AXIN2: variants seen among roughly 807,000 people sequenced by gnomAD.
AXIN2 encodes the protein axin-2.
Under a neutral mutation model 74.7 loss-of-function variants are expected in AXIN2, and 21 were observed. The observed-to-expected ratio is 0.28, with a 90% CI of 0.20 to 0.40. The LOEUF (loss-of-function observed/expected upper bound fraction) is 0.40, where lower values mean the gene tolerates loss of function less well. AXIN2 is among the 10% of genes least tolerant of loss of function. The pLI is 1.00. For synonymous variants in AXIN2, 532 were observed against 454.9 expected, an observed-to-expected ratio of 1.17 and a Z score of -2.16; for missense variants, 1,144 against 1,111.1, an observed-to-expected ratio of 1.03 and a Z score of -0.42.
At chr17:65,555,327 A>T (rs949593679) in intron 2 of AXIN2, among the ~76,000 whole-genome samples, 1 of 152,120 alleles carries the variant, frequency 6.6e-6, no homozygotes, top group Non-Finnish European at 1.5e-5. Context: ...AGAATGAGTG[A>T]GTGTGCGGGA....
chr17:65,536,332 G>A lies in AXIN2; in HGVS notation c.2129C>T (p.Pro710Leu). The A allele has an allele frequency of 2.5e-6, 4 of 1,611,478 alleles. No individual in the cohort carries two copies. Among genetic ancestry groups the A allele is most frequent in the Non-Finnish European group, 3.4e-6 (4 of 1,179,380 alleles). ...CACTTCCACTCACCGCTGCTTTGGG[G>A]GCTTCGACACCTCAGCTAGCCTGCG... ...ACRRLAEVSK[P>L]PKQRCCVASQ... Residue 710 changes from proline to leucine, a missense_variant, in exon 8 of 11, where the codon CCC becomes CTC. Physicochemically the swap from Pro to Leu is moderately conservative, Grantham distance 98. This residue lies in a region of AXIN2 where 1,053 missense variants were observed against 973.5 expected (regional missense o/e 1.08). Transcript: ENST00000307078.
chr17:65,530,592 G>A, intron 10 of AXIN2, among the ~76,000 whole-genome samples: 2 of 152,362 alleles, frequency 1.3e-5, no homozygotes, highest in South Asian at 4.1e-4. Flanking sequence ...GTCTGTAAAA[G>A]GCTGACTTCC....
At chr17:65,537,275 G>A in intron 6 of AXIN2, 49 bp downstream of exon 6, 3 of 1,611,548 alleles carry the variant, frequency 1.9e-6, no homozygotes, top group South Asian at 1.1e-5. Context: ...CATGGACCTG[G>A]CTGGGAGACA....
At position 65,537,504 on chromosome 17, in the gene AXIN2, G is replaced by C. The variant is rs200883019; in HGVS notation, c.1532C>G (p.Thr511Arg). ...GGKGFVTKQT[T>R]KHVHHHYIHH... The stretch of plus-strand genomic sequence containing the variant: ...GATGTAGTGGTGGTGGACATGCTTC[G>C]TCGTCTGCTTGGTCACAAAGCCTTT... The change falls in exon 6 of 11, where the codon ACG (threonine) becomes AGG (arginine). Residue 511 changes from threonine to arginine, a missense_variant. Transcript: ENST00000307078. 6.2e-7 allele frequency: 1 copy of C among 1,613,776 alleles called. No homozygotes were observed. Among genetic ancestry groups the C allele is most frequent in the Non-Finnish European group, 8.5e-7 (1 of 1,179,988 alleles).
In AXIN2 at chr17:65,536,451, G is replaced by C. The variant is rs781484593; in HGVS notation, c.2010C>G (p.Pro670=). The change falls in exon 8 of 11, where the codon CCC becomes CCG. Residue 670 remains proline, a synonymous_variant. Transcript: ENST00000307078. The part of the protein sequence containing the change: ...HHLWGGNSGH[P]RTTPRAHLFT... ...ACAGGTGGGCACGGGGGGTGGTGCGGGGGTGCCCGCTGTTGCCCCCCCACA... is the reference window on the plus strand; with the variant it reads ...ACAGGTGGGCACGGGGGGTGGTGCGCGGGTGCCCGCTGTTGCCCCCCCACA... 4.3e-6 allele frequency: 7 copies of C among 1,613,642 alleles called. No homozygotes were observed. The Admixed American group carries it at 1.0e-4, about 23-fold the overall frequency.
At position 65,537,590 on chromosome 17, in the gene AXIN2, C is replaced by T. The variant is rs750678891; in HGVS notation, c.1446G>A (p.Pro482=). Residue 482 remains proline (P), a synonymous_variant, in exon 6 of 11, where the codon CCG becomes CCA. Coordinates refer to ENST00000307078, the MANE Select transcript of AXIN2 (RefSeq NM_004655.4). ...CCGCGGGAGGCAGCTTGCCACCGGG[C>T]GGGAGCAGGGAGTGGTACTGCGAAT... The part of the protein sequence containing the change: ...HHHSQYHSLL[P]PGGKLPPAAA... 3.1e-6 allele frequency: 5 copies of T among 1,605,916 alleles called. No homozygotes were observed. The highest frequency in any genetic ancestry group is 1.7e-5 in the Admixed American group (1 of 58,880).
Position 65,529,791 on chromosome 17 carries a change from CTCATGAATCATGAAAA to C in AXIN2, c.*169_*184del. ...TTTTCTTATCTCAGTCAGTACCCAG[CTCATGAATCATGAAAA>C]TCAACCTCCCCCCGCCCTCCCGAAG... On this transcript the variant is annotated 3_prime_UTR_variant, in exon 11 of 11. Coordinates refer to ENST00000307078, the MANE Select transcript of AXIN2 (RefSeq NM_004655.4). 1.1e-6 allele frequency: 1 copy of C among 872,326 alleles called. No homozygotes were observed. The highest frequency in any genetic ancestry group is 1.8e-6 in the Non-Finnish European group (1 of 553,810). 54.0% of individuals were successfully genotyped at this position (872,326 alleles called of 1,614,324 possible). A position where few individuals can be genotyped will look rare whatever the true frequency, so the allele number is the denominator to read the frequency against.
intron 10 of AXIN2, among the ~76,000 whole-genome samples, chr17:65,531,886 C>A (rs758646746): frequency 1.3e-5 from 2 of 152,182 alleles, no homozygotes; most frequent in East Asian, 3.9e-4. Context: ...AGGTCCCCCC[C>A]ACCTCCCACC....
chr17:65,548,512 G>C (rs887671105), intron 3 of AXIN2, among the ~76,000 whole-genome samples: 2 of 152,194 alleles, frequency 1.3e-5, no homozygotes, highest in Non-Finnish European at 2.9e-5. Context: ...TTTAGCAGGC[G>C]AAATTCTGAC....
chr17:65,537,533 C>T lies in AXIN2; in HGVS notation c.1503G>A (p.Gly501=). 1 of 1,613,490 alleles carries T rather than the reference C, an allele frequency of 6.2e-7. No individual in the cohort carries two copies. The highest frequency in any genetic ancestry group is 8.5e-7 in the Non-Finnish European group (1 of 1,179,898). Reference sequence around the variant, plus strand: ...TCTGCTTGGTCACAAAGCCTTTGCCCCCGAGGAGGGGGCAGGCGCCCGGCG... The same window carrying T: ...TCTGCTTGGTCACAAAGCCTTTGCCTCCGAGGAGGGGGCAGGCGCCCGGCG... The part of the protein sequence containing the change: ...AASPGACPLL[G]GKGFVTKQTT... The change falls in exon 6 of 11, where the codon GGG becomes GGA. Residue 501 remains glycine, a synonymous_variant. Coordinates refer to ENST00000307078, the MANE Select transcript of AXIN2 (RefSeq NM_004655.4).
intron 4 of AXIN2, 59 bp from the exon 5 acceptor site, chr17:65,538,402 C>T: frequency 6.2e-7 from 1 of 1,607,474 alleles, no homozygotes; most frequent in African/African-American, 1.3e-5. Context: ...TGGGCGGTGG[C>T]TTGGCCGGAG....
rs765149006 is a variant in AXIN2, at chr17:65,536,438, G to C, written c.2023C>G (p.Arg675Gly). The C allele has an allele frequency of 6.2e-6, 10 of 1,601,418 alleles. No individual in the cohort carries two copies. The highest frequency in any genetic ancestry group is 8.5e-6 in the Non-Finnish European group (10 of 1,179,598). The change falls in exon 8 of 11, where the codon CGT becomes GGT. Residue 675 changes from arginine (R) to glycine (G), a missense_variant. Arg to Gly is a moderately radical substitution (Grantham distance 125). Transcript: ENST00000307078. ...GGGTCCTGGGTGAACAGGTGGGCAC[G>C]GGGGGTGGTGCGGGGGTGCCCGCTG... Reference protein sequence around the residue: ...GNSGHPRTTPRAHLFTQDPAM... With the variant: ...GNSGHPRTTPGAHLFTQDPAM...
chr17:65,548,678 G>A (rs1257032923), intron 3 of AXIN2, among the ~76,000 whole-genome samples: 1 of 152,122 alleles, frequency 6.6e-6, no homozygotes, highest in Admixed American at 6.5e-5. Flanking sequence ...CCGGAGACAG[G>A]GATACCCAGG....
intron 2 of AXIN2, among the ~76,000 whole-genome samples, chr17:65,553,006 C>A (rs1231404484): frequency 6.6e-6 from 1 of 152,034 alleles, no homozygotes; most frequent in Non-Finnish European, 1.5e-5. Context: ...CCAGCCTAGG[C>A]AACAAGAATG....
intron 3 of AXIN2, among the ~76,000 whole-genome samples, chr17:65,547,434 C>G (rs988019666): frequency 3.9e-5 from 6 of 152,158 alleles, no homozygotes. Flanking sequence ...TGTGGAAGCA[C>G]CAGGCCTTAT....
chr17:65,537,472 G>C lies in AXIN2; in HGVS notation c.1564C>G (p.His522Asp), dbSNP rs1060502128. Residue 522 changes from histidine to aspartate, a missense_variant, in exon 6 of 11, where the codon CAT (histidine) becomes GAT (aspartate). By Grantham distance (81) the His-to-Asp change is moderately conservative. Around this residue, in one of 4 missense-constraint regions of AXIN2, gnomAD observed 1,053 missense variants for 973.5 expected, o/e 1.08. Coordinates refer to ENST00000307078, the MANE Select transcript of AXIN2 (RefSeq NM_004655.4). The part of the protein sequence containing the change: ...KHVHHHYIHH[H>D]AVPKTKEEIE... ...TCCTCCTTGGTCTTGGGGACGGCAT[G>C]GTGGTGGATGTAGTGGTGGTGGACA... 6.2e-6 allele frequency: 10 copies of C among 1,613,934 alleles called. No homozygotes were observed. The highest frequency in any genetic ancestry group is 1.7e-5 in the Admixed American group (1 of 60,030).
In AXIN2 at chr17:65,528,951, CA is replaced by C; in HGVS notation, c.*1024del. On this transcript the variant is annotated 3_prime_UTR_variant, in exon 11 of 11. Transcript: ENST00000307078. ...ACAGAATGTACAGATTAACTTAACA[CA>C]AAAACCCGAACATCAAAATGAAGGT... 3.6e-6 allele frequency: 1 copy of C among 278,580 alleles called. No individual in the cohort carries two copies. The highest frequency in any genetic ancestry group is 6.7e-6 in the Non-Finnish European group (1 of 148,460). 17.3% of individuals were successfully genotyped at this position (278,580 alleles called of 1,614,324 possible).
intron 7 of AXIN2, 123 bp downstream of exon 7, chr17:65,536,746 A>T: frequency 6.8e-7 from 1 of 1,479,838 alleles, no homozygotes. Context: ...GTTTAATATT[A>T]AGATGGCAGG....
At position 65,536,566 on chromosome 17, in the gene AXIN2, T is replaced by A. The variant is rs201297071; in HGVS notation, c.1908-13A>T. 6 of 1,613,232 alleles carry A rather than the reference T, an allele frequency of 3.7e-6. No individual in the cohort carries two copies. Among genetic ancestry groups the A allele is most frequent in the Non-Finnish European group, 5.1e-6 (6 of 1,179,702 alleles). ...TGTGCTTTGGGCACTAAACAAGGAA[T>A]GAGCAGAGAGAAAACAGAAGGAAAG... On this transcript the variant is annotated splice_polypyrimidine_tract_variant and intron_variant, in intron 7 of 10. Transcript: ENST00000307078.
Sources: allele counts gnomAD v4.1 joint callset (sites outside exome capture counted in the v4.1 genomes callset), GRCh38; gene constraint gnomAD v4.1.1; regional missense constraint gnomAD v4.1.1; transcripts MANE v1.5; gene names NCBI Gene and HGNC (gene_info 2026-07-23, HGNC 2026-07-21).